Variants in EXOC6 observed in about 807,000 individuals in gnomAD.
EXOC6 encodes exocyst complex component 6.
In EXOC6, 60 loss-of-function variants were observed where a neutral mutation model predicts 112.5. The observed-to-expected ratio is 0.53, with a 90% CI of 0.43 to 0.66. The LOEUF is 0.66. Among genes scored for constraint, EXOC6 ranks in the 30% least tolerant of loss-of-function variants. The probability of loss-of-function intolerance (pLI) is 0.00; values close to 1 mark genes in which losing one functional copy is unlikely to be tolerated. For missense variants in EXOC6, 855 were observed against 957.1 expected (o/e 0.89, Z 1.41); for synonymous variants, 295 against 308.0 (o/e 0.96, Z 0.44).
chr10:92,999,546 A>G (rs1843657284), intron 19 of EXOC6, among the ~76,000 whole-genome samples: 1 of 152,132 alleles, frequency 6.6e-6, no homozygotes, highest in South Asian at 2.1e-4. Context: ...CCTCTTATCC[A>G]CAGTTTTGCT....
intron 19 of EXOC6, among the ~76,000 whole-genome samples, chr10:92,999,707 A>AT (rs11399257): frequency 0.62 from 89,650 of 145,336 alleles, 29,420 homozygotes; most frequent in East Asian, 0.98. Flanking sequence ...ATTGTGCCTA[A>AT]TTTTTTTTTT....
rs142301691 is a variant in EXOC6, at chr10:92,955,627, A to G, written c.1686A>G (p.Lys562=). Residue 562 remains lysine, a synonymous_variant, in exon 17 of 22, where the codon AAA becomes AAG. Coordinates refer to ENST00000260762, the MANE Select transcript of EXOC6 (RefSeq NM_019053.6). ...INTTHLEQAC[K]YLEDFITNIT... The stretch of plus-strand genomic sequence containing the variant: ...CAACACACCTGGAGCAAGCTTGTAA[A>G]TATCTTGAGGACTTTATAACTAACA... 13 of 1,611,728 alleles carry G rather than the reference A, an allele frequency of 8.1e-6. No individual in the cohort carries two copies. Among genetic ancestry groups the G allele is most frequent in the Non-Finnish European group, 1.1e-5 (13 of 1,178,404 alleles).
At chr10:92,991,560 T>G (rs1589990186) in intron 18 of EXOC6, among the ~76,000 whole-genome samples, 1 of 151,950 alleles carries the variant, frequency 6.6e-6, no homozygotes, top group African/African-American at 2.4e-5. Context: ...AAGGCCATAC[T>G]CAAAAGATTG....
intron 20 of EXOC6, among the ~76,000 whole-genome samples, chr10:93,019,116 T>G (rs72815103): frequency 0.037 from 5,698 of 152,200 alleles, 141 homozygotes; most frequent in Non-Finnish European, 0.054. Context: ...TTGATTTATT[T>G]ATTTTGAGAC....
chr10:92,958,903 G>T (rs1335711465), intron 17 of EXOC6, among the ~76,000 whole-genome samples: 2 of 152,218 alleles, frequency 1.3e-5, no homozygotes, highest in African/African-American at 4.8e-5. Context: ...AGACCATCCT[G>T]GCCAACATGG....
At chr10:92,908,807 G>T (rs561719220) in intron 5 of EXOC6, among the ~76,000 whole-genome samples, 1 of 152,172 alleles carries the variant, frequency 6.6e-6, no homozygotes, top group African/African-American at 2.4e-5. Context: ...ATGTCACACT[G>T]TGAAACAGTA....
intron 18 of EXOC6, among the ~76,000 whole-genome samples, chr10:92,989,968 A>G (rs1843163565): frequency 1.3e-5 from 2 of 152,162 alleles, no homozygotes; most frequent in African/African-American, 4.8e-5. Flanking sequence ...TTTATATTAT[A>G]TCCATTGTTA....
chr10:92,911,941 G>A (rs1478502472), intron 6 of EXOC6, among the ~76,000 whole-genome samples: 2 of 13,058 alleles, frequency 1.5e-4, no homozygotes, highest in East Asian at 0.1. Flanking sequence ...CTGTGTGCGT[G>A]TGTGTGTGTG....
chr10:92,996,402 C>G (rs1489742987), intron 18 of EXOC6, among the ~76,000 whole-genome samples: 1 of 152,110 alleles, frequency 6.6e-6, no homozygotes, highest in Non-Finnish European at 1.5e-5. Context: ...GGGCGGATCA[C>G]AAGGTCAGAT....
chr10:93,015,435 G>A (rs1051950735), intron 20 of EXOC6, among the ~76,000 whole-genome samples: 1 of 152,178 alleles, frequency 6.6e-6, no homozygotes, highest in African/African-American at 2.4e-5. Context: ...AACATAAACT[G>A]GTTAGGAATC....
At chr10:92,839,927 G>A (rs1436697755) in intron 1 of EXOC6, among the ~76,000 whole-genome samples, 2 of 152,010 alleles carry the variant, frequency 1.3e-5, no homozygotes, top group Non-Finnish European at 2.9e-5. Context: ...ACAAGATGAC[G>A]TACCAGAAGA....
intron 1 of EXOC6, among the ~76,000 whole-genome samples, chr10:92,840,808 C>A (rs1428072259): frequency 6.6e-6 from 1 of 152,068 alleles, no homozygotes; most frequent in Non-Finnish European, 1.5e-5. Context: ...CAGGTGTGTG[C>A]CACCATGCCT....
upstream of EXOC6, chr10:92,848,453 CTTCGCGCTCG>C: frequency 9.0e-7 from 1 of 1,114,158 alleles, no homozygotes; most frequent in Non-Finnish European, 1.1e-6. Context: ...CGCCCCGCCC[CTTCGCGCTCG>C]CGCCACTTGG....
chr10:92,926,615 C>T (rs1851740841), intron 8 of EXOC6, among the ~76,000 whole-genome samples: 1 of 152,016 alleles, frequency 6.6e-6, no homozygotes, highest in Non-Finnish European at 1.5e-5. Context: ...CTCACTGTAG[C>T]CTTGAACTCC....
At chr10:93,030,851 T>TA (rs1313724948) in intron 20 of EXOC6, among the ~76,000 whole-genome samples, 1 of 152,162 alleles carries the variant, frequency 6.6e-6, no homozygotes, top group Non-Finnish European at 1.5e-5. Context: ...ATAGTATTAT[T>TA]AACAAAAAAG....
chr10:92,831,433 T>C, upstream of EXOC6: 1 of 865,252 alleles, frequency 1.2e-6, no homozygotes, highest in Non-Finnish European at 1.6e-6. Flanking sequence ...ATTCTATTTT[T>C]TTTTTATTTT....
chr10:93,010,688 GACTCCATCTCTT>G (rs1484430086), intron 19 of EXOC6, among the ~76,000 whole-genome samples: 3 of 134,604 alleles, frequency 2.2e-5, no homozygotes, highest in African/African-American at 8.5e-5. Flanking sequence ...GACAAAGCAA[GACTCCATCTCTT>G]AAAAAAAAAA....
chr10:92,930,724 A>G (rs1851979471), intron 9 of EXOC6, among the ~76,000 whole-genome samples: 1 of 152,160 alleles, frequency 6.6e-6, no homozygotes, highest in Non-Finnish European at 1.5e-5. Context: ...ATGTATTTAT[A>G]GTATTTTCCT....
chr10:92,909,306 T>C (rs1850611223), intron 5 of EXOC6, 121 bp from the exon 6 acceptor site: 1 of 630,488 alleles, frequency 1.6e-6, no homozygotes, highest in Non-Finnish European at 2.6e-6. Context: ...ATTTTACTTA[T>C]TTTAACTAGG....
Sources: gnomAD v4.1 joint callset for allele counts (sites outside exome capture counted in the v4.1 genomes callset) on GRCh38, gnomAD v4.1.1 for gene constraint, MANE v1.5 for transcripts, NCBI Gene and HGNC (gene_info 2026-07-23, HGNC 2026-07-21) for gene names.